The following OR7E24 variants were observed in gnomAD, a reference collection of about 807,000 sequenced individuals.
The protein encoded by OR7E24 is olfactory receptor family 7 subfamily E member 24.
For missense variants in OR7E24, 385 were observed against 410.3 expected, an observed-to-expected ratio of 0.94 and a Z score of 0.53; for synonymous variants, 130 against 157.5, an observed-to-expected ratio of 0.83 and a Z score of 1.31.
At chr19:9,224,769 A>AAAC in the OR7E24 span, among the ~76,000 whole-genome samples, 1 of 147,764 alleles carries the variant, frequency 6.8e-6, no homozygotes, top group African/African-American at 2.5e-5. Flanking sequence ...GGTCAAAACA[A>AAAC]AAAAAAAAAA....
the OR7E24 span, among the ~76,000 whole-genome samples, chr19:9,225,102 C>T: frequency 6.6e-6 from 1 of 151,698 alleles, no homozygotes; most frequent in African/African-American, 2.4e-5. Context: ...AGGTCGGGTG[C>T]GGTGGCCCAT....
chr19:9,239,773 A>G, the OR7E24 span, among the ~76,000 whole-genome samples: 3 of 144,924 alleles, frequency 2.1e-5, no homozygotes, highest in Non-Finnish European at 4.5e-5. Context: ...CAGTGGTGCA[A>G]TCTGGGCTCA....
chr19:9,213,285 T>C, the OR7E24 span: 1 of 152,276 alleles, frequency 6.6e-6, no homozygotes, highest in South Asian at 2.1e-4. Flanking sequence ...ATTAGAAGTC[T>C]CAGAAAGAGT....
At chr19:9,243,980 G>A (rs969742964), upstream of OR7E24, among the ~76,000 whole-genome samples, 1 of 152,154 alleles carries the variant, frequency 6.6e-6, no homozygotes, top group Non-Finnish European at 1.5e-5. Flanking sequence ...TTCTGGAAAA[G>A]GCCCCACAGC....
the OR7E24 span, among the ~76,000 whole-genome samples, chr19:9,225,855 G>T: frequency 6.6e-6 from 1 of 152,228 alleles, no homozygotes. Flanking sequence ...TCCCCTTAGA[G>T]AGTTGCTCTC....
At chr19:9,222,832 C>T in the OR7E24 span, among the ~76,000 whole-genome samples, 3 of 152,172 alleles carry the variant, frequency 2.0e-5, no homozygotes, top group East Asian at 5.8e-4. Context: ...ACTTCCACTA[C>T]TATATTGAGT....
At chr19:9,235,623 T>C in the OR7E24 span, 6 of 1,575,604 alleles carry the variant, frequency 3.8e-6, no homozygotes, top group Admixed American at 5.0e-5. Context: ...TGGTTCATAT[T>C]CTACTGATGA....
At chr19:9,234,751 C>G in the OR7E24 span, among the ~76,000 whole-genome samples, 1 of 152,100 alleles carries the variant, frequency 6.6e-6, no homozygotes, top group Non-Finnish European at 1.5e-5. Flanking sequence ...TGTCACATCA[C>G]CTGTGTCAGG....
the OR7E24 span, among the ~76,000 whole-genome samples, chr19:9,232,476 T>C: frequency 3.5e-5 from 5 of 144,088 alleles, no homozygotes; most frequent in African/African-American, 1.3e-4. Flanking sequence ...AGGCGGAGGT[T>C]GCAGTGAGCC....
At chr19:9,246,594 A>C (rs182013307), upstream of OR7E24, among the ~76,000 whole-genome samples, 7 of 151,916 alleles carry the variant, frequency 4.6e-5, no homozygotes, top group East Asian at 1.4e-3. Flanking sequence ...AATATATGGA[A>C]GCGACACAAG....
At chr19:9,213,779 C>T in the OR7E24 span, 2 of 712,470 alleles carry the variant, frequency 2.8e-6, no homozygotes, top group South Asian at 1.9e-5. Context: ...CCAATAACAA[C>T]AACCAAAAAT....
chr19:9,227,677 CTT>C, the OR7E24 span, among the ~76,000 whole-genome samples: 2 of 149,800 alleles, frequency 1.3e-5, no homozygotes, highest in African/African-American at 4.9e-5. Flanking sequence ...ATCCATGTGT[CTT>C]TATATACTAA....
chr19:9,236,139 G>A, the OR7E24 span: 1 of 867,664 alleles, frequency 1.2e-6, no homozygotes, highest in Non-Finnish European at 1.8e-6. Flanking sequence ...AAATGTGAAT[G>A]CGCATATCCT....
the OR7E24 span, among the ~76,000 whole-genome samples, chr19:9,223,594 C>A: frequency 3.3e-5 from 5 of 151,396 alleles, no homozygotes; most frequent in African/African-American, 9.8e-5. Context: ...TGCAGTTCCA[C>A]CCTTTGCAGA....
At chr19:9,238,068 G>A in the OR7E24 span, among the ~76,000 whole-genome samples, 1 of 152,104 alleles carries the variant, frequency 6.6e-6, no homozygotes, top group Non-Finnish European at 1.5e-5. Flanking sequence ...CTTGAGGCCA[G>A]GAGTTTGAAA....
At chr19:9,237,143 T>C in the OR7E24 span, among the ~76,000 whole-genome samples, 1 of 152,106 alleles carries the variant, frequency 6.6e-6, no homozygotes, top group Non-Finnish European at 1.5e-5. Context: ...TCATAGAGAT[T>C]AGTGCTTCGG....
At chr19:9,230,992 ACCTCCG>A in the OR7E24 span, among the ~76,000 whole-genome samples, 1 of 151,682 alleles carries the variant, frequency 6.6e-6, no homozygotes, top group Admixed American at 6.6e-5. Context: ...CCTCACAGCA[ACCTCCG>A]CCTCCGCCTT....
At chr19:9,209,155 T>C in the OR7E24 span, 7 of 152,270 alleles carry the variant, frequency 4.6e-5, no homozygotes, top group Non-Finnish European at 1.0e-4. Context: ...CCAAAAGCGA[T>C]GTGACAAACT....
the OR7E24 span, among the ~76,000 whole-genome samples, chr19:9,234,462 AAT>A: frequency 6.6e-6 from 1 of 152,200 alleles, no homozygotes; most frequent in African/African-American, 2.4e-5. Flanking sequence ...GAAAGAAAAA[AAT>A]AAACGTACAC....
Sources: allele counts gnomAD v4.1 joint callset (sites outside exome capture counted in the v4.1 genomes callset), GRCh38; gene constraint gnomAD v4.1.1; transcripts MANE v1.5; gene names NCBI Gene and HGNC (gene_info 2026-07-23, HGNC 2026-07-21).